DNAI4: variants seen among roughly 807,000 people sequenced by gnomAD.
The protein encoded by DNAI4 is dynein axonemal intermediate chain 4.
A neutral mutation model predicts 105.8 loss-of-function variants in DNAI4; 85 were observed. The observed-to-expected ratio is 0.80, with a 90% CI of 0.67 to 0.96. The LOEUF (loss-of-function observed/expected upper bound fraction) is 0.96, where lower values mean the gene tolerates loss of function less well. Ranked by LOEUF, DNAI4 falls within the 40% of genes least tolerant of loss-of-function variation. The pLI, the probability that DNAI4 is intolerant of heterozygous loss-of-function variation, is 0.00. For missense variants in DNAI4, 1,014 were observed against 1,005.6 expected (o/e 1.01, Z -0.11); for synonymous variants, 352 against 331.5 (o/e 1.06, Z -0.67).
intron 6 of DNAI4, among the ~76,000 whole-genome samples, chr1:66,869,037 G>A (rs1007928678): frequency 1.3e-5 from 2 of 151,174 alleles, no homozygotes; most frequent in African/African-American, 4.9e-5. Flanking sequence ...TTATACCACT[G>A]CACTCCAGCC....
rs372686869 is a variant in DNAI4, at chr1:66,874,952, T to C, written c.644-15A>G. 42 of 1,578,126 alleles carry C rather than the reference T, an allele frequency of 2.7e-5. No homozygotes were observed. The African/African-American group carries it at 5.6e-4, about 21-fold the overall frequency. ...AACTTGCAAATCTAAAATACATGAC[T>C]TAATTAAAATCATTTACTAATTGCT... On this transcript the variant is annotated splice_polypyrimidine_tract_variant and intron_variant, in intron 4 of 16. Coordinates refer to ENST00000371026, the MANE Select transcript of DNAI4 (RefSeq NM_024763.5).
chr1:66,891,705 C>T (rs990412161), intron 3 of DNAI4, among the ~76,000 whole-genome samples: 2 of 152,226 alleles, frequency 1.3e-5, no homozygotes, highest in African/African-American at 4.8e-5. Context: ...CTCAGGTGAT[C>T]TGCCCACCTC....
Position 66,874,920 on chromosome 1 carries a change from C to T in DNAI4, c.661G>A (p.Ala221Thr). Residue 221 changes from alanine to threonine, a missense_variant, in exon 5 of 17, where the codon GCA becomes ACA. Coordinates refer to ENST00000371026, the MANE Select transcript of DNAI4 (RefSeq NM_024763.5). ...TSFTDLQVIR[A>T]APEKIVTKED... The stretch of plus-strand genomic sequence containing the variant: ...TTTGTTACAATTTTTTCAGGTGCTG[C>T]CCTTATAACTTGCAAATCTAAAATA... The T allele has an allele frequency of 6.3e-7, 1 of 1,596,764 alleles. No individual in the cohort carries two copies. The highest frequency in any genetic ancestry group is 1.4e-5 in the African/African-American group (1 of 73,784).
rs1645458656 is a variant in DNAI4 at position 66,813,775 on chromosome 1, A to C, written c.*355T>G. On this transcript the variant is annotated 3_prime_UTR_variant, in exon 17 of 17. Transcript: ENST00000371026. The stretch of plus-strand genomic sequence containing the variant: ...TTGTGTCTTATAAAGATTTTGGTTT[A>C]AGTGATTCTATTAATTTCCAAGTTT... 1 of 164,282 alleles carries C rather than the reference A, an allele frequency of 6.1e-6. No homozygotes were observed. The highest frequency in any genetic ancestry group is 1.3e-5 in the Non-Finnish European group (1 of 76,202). 10.2% of individuals were successfully genotyped at this position (164,282 alleles called of 1,614,324 possible). A position where few individuals can be genotyped will look rare whatever the true frequency, so the allele number is the denominator to read the frequency against.
chr1:66,817,806 T>C (rs1280195376), intron 16 of DNAI4, among the ~76,000 whole-genome samples: 1 of 152,128 alleles, frequency 6.6e-6, no homozygotes, highest in African/African-American at 2.4e-5. Flanking sequence ...TTAGGAGACA[T>C]GGACTGGGAG....
intron 2 of DNAI4, among the ~76,000 whole-genome samples, chr1:66,896,361 C>T (rs1248835963): frequency 1.3e-5 from 2 of 152,086 alleles, no homozygotes; most frequent in African/African-American, 4.8e-5. Flanking sequence ...TTAACATGTA[C>T]AATTCAATAG....
chr1:66,911,693 G>A (rs932136236), intron 1 of DNAI4, among the ~76,000 whole-genome samples: 2 of 152,070 alleles, frequency 1.3e-5, no homozygotes, highest in Non-Finnish European at 1.5e-5. Context: ...TACATTTATT[G>A]AAACAATGAA....
Position 66,833,904 on chromosome 1 carries a change from C to T in DNAI4, c.1891+87G>A. On this transcript the variant is annotated intron_variant, in intron 12 of 16. Transcript: ENST00000371026. ...CCAATTTTTTTCTTATTGGCCAAAC[C>T]AAAATTTGTCATCTTTCACACATGG... 2.0e-6 allele frequency: 3 copies of T among 1,473,796 alleles called. No individual in the cohort carries two copies. In the African/African-American group the frequency reaches 4.2e-5, roughly 21 times the overall value. The allele number at this position is 1,473,796 out of a possible 1,614,324, so 91.3% of individuals were successfully genotyped here.
intron 1 of DNAI4, among the ~76,000 whole-genome samples, chr1:66,919,610 T>A (rs538542032): frequency 6.6e-6 from 1 of 152,330 alleles, no homozygotes; most frequent in Admixed American, 6.5e-5. Flanking sequence ...GTTCTCAGGA[T>A]AAAGATTAAA....
At chr1:66,862,976 CTTA>C (rs1262668430) in intron 6 of DNAI4, among the ~76,000 whole-genome samples, 1 of 152,166 alleles carries the variant, frequency 6.6e-6, no homozygotes. Context: ...TTCCTATACA[CTTA>C]TTATGTGAAA....
intron 16 of DNAI4, among the ~76,000 whole-genome samples, chr1:66,815,881 G>A (rs568226297): frequency 1.3e-5 from 2 of 152,326 alleles, no homozygotes; most frequent in South Asian, 4.1e-4. Context: ...TTAGGCTGGT[G>A]TTACCCCTAA....
rs1008215016 is a variant in DNAI4 at position 66,822,367 on chromosome 1, A to G, written c.2490T>C (p.Thr830=). 21 of 1,601,028 alleles carry G rather than the reference A, an allele frequency of 1.3e-5. No homozygotes were observed. Among genetic ancestry groups the G allele is most frequent in the Non-Finnish European group, 1.8e-5 (21 of 1,175,238 alleles). The change falls in exon 16 of 17, where the codon ACT becomes ACC. Residue 830 remains threonine, a synonymous_variant. Transcript: ENST00000371026. ...TTTTACTCTTGAGTCTTACCCGGCCAGTTTCCAAAACAGTAGGCATATTTC... is the reference window on the plus strand; with the variant it reads ...TTTTACTCTTGAGTCTTACCCGGCCGGTTTCCAAAACAGTAGGCATATTTC... The part of the protein sequence containing the change: ...ELRNMPTVLE[T]GRGDIMDTLL...
chr1:66,872,143 T>A (rs963516386), intron 5 of DNAI4, among the ~76,000 whole-genome samples: 2 of 152,114 alleles, frequency 1.3e-5, no homozygotes, highest in African/African-American at 4.8e-5. Flanking sequence ...TGTGTTTAAA[T>A]CTCCTACTTT....
At chr1:66,889,448 CAAATTCTGACA>C (rs1045666198) in intron 4 of DNAI4, among the ~76,000 whole-genome samples, 17 of 151,964 alleles carry the variant, frequency 1.1e-4, no homozygotes, top group African/African-American at 3.9e-4. Flanking sequence ...ACGGCCAATC[CAAATTCTGACA>C]AAATTAAGCC....
At chr1:66,870,971 A>G (rs117015883) in intron 6 of DNAI4, 1 of 164,556 alleles carries the variant, frequency 6.1e-6, no homozygotes, top group East Asian at 1.7e-4. Flanking sequence ...ATGGGGAAGC[A>G]TAATAGTATC....
chr1:66,877,283 C>T (rs1308731699), intron 4 of DNAI4, among the ~76,000 whole-genome samples: 1 of 152,160 alleles, frequency 6.6e-6, no homozygotes, highest in East Asian at 1.9e-4. Flanking sequence ...CTGAGAGCAT[C>T]CAGAGACAAC....
At chr1:66,870,830 T>G (rs538475555) in intron 6 of DNAI4, 1 of 152,202 alleles carries the variant, frequency 6.6e-6, no homozygotes, top group East Asian at 1.9e-4. Context: ...CCTACAGATT[T>G]TGGCTATGCA....
At chr1:66,885,240 T>C (rs938270146) in intron 4 of DNAI4, among the ~76,000 whole-genome samples, 5 of 152,230 alleles carry the variant, frequency 3.3e-5, no homozygotes, top group African/African-American at 9.6e-5. Context: ...TGTTGAAGTA[T>C]GTTTTATGGC....
chr1:66,847,942 C>T, intron 7 of DNAI4: 1 of 407,436 alleles, frequency 2.5e-6, no homozygotes, highest in South Asian at 2.5e-5. Flanking sequence ...TGTCTTTATT[C>T]TTTTAAAATT....
Sources: allele counts gnomAD v4.1 joint callset (sites outside exome capture counted in the v4.1 genomes callset), GRCh38; gene constraint gnomAD v4.1.1; transcripts MANE v1.5; gene names NCBI Gene and HGNC (gene_info 2026-07-23, HGNC 2026-07-21).